The following CNTN4 variants were observed in gnomAD, a reference collection of about 807,000 sequenced individuals.
CNTN4 encodes contactin-4.
A neutral mutation model predicts 122.5 loss-of-function variants in CNTN4; 77 were observed. The observed-to-expected ratio is 0.63, with a 90% CI of 0.52 to 0.76. The LOEUF is 0.76. Among genes scored for constraint, CNTN4 ranks in the 30% least tolerant of loss-of-function variants. The pLI is 0.00. For missense variants in CNTN4, 1,256 were observed against 1,259.1 expected, an observed-to-expected ratio of 1.00 and a Z score of 0.04; for synonymous variants, 512 against 447.0, an observed-to-expected ratio of 1.15 and a Z score of -1.83.
intron 3 of CNTN4, among the ~76,000 whole-genome samples, chr3:2,511,011 T>C (rs1056443573): frequency 2.0e-5 from 3 of 152,128 alleles, no homozygotes; most frequent in Non-Finnish European, 4.4e-5. Flanking sequence ...AAACACCAGC[T>C]TTAGTTCAGC....
At chr3:2,188,110 C>T (rs1258500807) in intron 2 of CNTN4, among the ~76,000 whole-genome samples, 2 of 151,548 alleles carry the variant, frequency 1.3e-5, no homozygotes, top group Admixed American at 1.3e-4. Context: ...CCTTTTGAGC[C>T]CTTCCCCAAT....
At chr3:2,729,179 G>A (rs1467620404) in intron 4 of CNTN4, among the ~76,000 whole-genome samples, 1 of 152,304 alleles carries the variant, frequency 6.6e-6, no homozygotes, top group Non-Finnish European at 1.5e-5. Flanking sequence ...GCGAAATGTG[G>A]CCTTCATCCC....
chr3:2,333,609 G>C (rs2043824195), intron 2 of CNTN4, among the ~76,000 whole-genome samples: 1 of 152,098 alleles, frequency 6.6e-6, no homozygotes, highest in Admixed American at 6.6e-5. Flanking sequence ...TTGAGTGTGT[G>C]GTGGGGAACC....
chr3:2,701,172 T>C (rs2086337134), intron 4 of CNTN4, among the ~76,000 whole-genome samples: 2 of 152,130 alleles, frequency 1.3e-5, no homozygotes, highest in Non-Finnish European at 2.9e-5. Flanking sequence ...ATATAGAAAT[T>C]TTTCATACCC....
At chr3:2,542,018 T>C (rs1453466795) in intron 3 of CNTN4, among the ~76,000 whole-genome samples, 1 of 152,232 alleles carries the variant, frequency 6.6e-6, no homozygotes, top group Non-Finnish European at 1.5e-5. Context: ...TAACTACCAA[T>C]GTATAGAGTG....
chr3:2,781,854 A>G lies in CNTN4; in HGVS notation c.358+36157A>G, dbSNP rs1358601637. On this transcript the variant is annotated intron_variant, in intron 6 of 24. Transcript: ENST00000418658. ...ATTCTCCTGCCTCAGCCTCCCGAGT[A>G]GCTGGGACTGCAGGCGCCCGCACCA... Among the ~76,000 whole-genome samples the G allele has an allele frequency of 1.3e-4, 16 of 126,362 alleles. 1 individual carries two copies. The highest frequency in any genetic ancestry group is 2.3e-4 in the Non-Finnish European group (15 of 64,106). 82.9% of individuals were successfully genotyped at this position (126,362 alleles called of 152,430 possible). A position where few individuals can be genotyped will look rare whatever the true frequency, so the allele number is the denominator to read the frequency against.
At chr3:2,672,394 G>T (rs2084578717) in intron 4 of CNTN4, among the ~76,000 whole-genome samples, 1 of 152,200 alleles carries the variant, frequency 6.6e-6, no homozygotes, top group African/African-American at 2.4e-5. Flanking sequence ...AGGCTCCATG[G>T]ATGTAGGACC....
At chr3:2,324,104 T>C (rs2043365175) in intron 2 of CNTN4, among the ~76,000 whole-genome samples, 1 of 152,186 alleles carries the variant, frequency 6.6e-6, no homozygotes, top group Non-Finnish European at 1.5e-5. Flanking sequence ...TGTTCTCCTC[T>C]AGCCATGGCA....
intron 6 of CNTN4, among the ~76,000 whole-genome samples, chr3:2,787,482 C>A (rs996224826): frequency 6.6e-6 from 1 of 152,150 alleles, no homozygotes; most frequent in Non-Finnish European, 1.5e-5. Flanking sequence ...TCATTACATA[C>A]CGGAATTATT....
intron 14 of CNTN4, among the ~76,000 whole-genome samples, chr3:3,006,990 T>C (rs761212073): frequency 6.6e-6 from 1 of 152,226 alleles, no homozygotes; most frequent in African/African-American, 2.4e-5. Context: ...TGTCTCCAAG[T>C]GCTTAACTGT....
intron 3 of CNTN4, among the ~76,000 whole-genome samples, chr3:2,552,709 C>T (rs762879575): frequency 7.2e-5 from 11 of 152,036 alleles, no homozygotes; most frequent in Non-Finnish European, 1.0e-4. Context: ...TTTTAAAAGG[C>T]AGGTATGGGG....
chr3:2,625,040 C>A (rs2082130834), intron 4 of CNTN4, among the ~76,000 whole-genome samples: 1 of 152,234 alleles, frequency 6.6e-6, no homozygotes, highest in East Asian at 1.9e-4. Flanking sequence ...ATAATAGTAG[C>A]TACCTTATAG....
chr3:2,586,912 T>C (rs1192726959), intron 4 of CNTN4, among the ~76,000 whole-genome samples: 1 of 152,198 alleles, frequency 6.6e-6, no homozygotes, highest in Non-Finnish European at 1.5e-5. Context: ...CCTCCTGACC[T>C]ACTCTGGTAT....
chr3:2,208,489 C>A (rs1465985851), intron 2 of CNTN4, among the ~76,000 whole-genome samples: 2 of 152,128 alleles, frequency 1.3e-5, no homozygotes, highest in Non-Finnish European at 2.9e-5. Flanking sequence ...GAGATGAAAT[C>A]TACTCCTGGT....
At chr3:2,542,585 A>G (rs1258049155) in intron 3 of CNTN4, among the ~76,000 whole-genome samples, 1 of 152,160 alleles carries the variant, frequency 6.6e-6, no homozygotes, top group East Asian at 1.9e-4. Context: ...TGTCAGATCG[A>G]GAGCTCTGGA....
intron 2 of CNTN4, among the ~76,000 whole-genome samples, chr3:2,313,823 C>T (rs1039019747): frequency 4.6e-5 from 7 of 151,448 alleles, no homozygotes; most frequent in Non-Finnish European, 1.0e-4. Context: ...CACCAAATAC[C>T]CCCCAAAATA....
chr3:2,134,153 C>T (rs984122002), intron 2 of CNTN4, among the ~76,000 whole-genome samples: 2 of 152,136 alleles, frequency 1.3e-5, no homozygotes, highest in Non-Finnish European at 2.9e-5. Flanking sequence ...TGTCTAGAAG[C>T]GTTTGTGTCA....
intron 2 of CNTN4, among the ~76,000 whole-genome samples, chr3:2,281,352 A>C (rs1179633051): frequency 6.6e-6 from 1 of 152,054 alleles, no homozygotes; most frequent in Non-Finnish European, 1.5e-5. Context: ...TAGTACAGGG[A>C]CTGTCTAGTA....
At position 2,249,683 on chromosome 3, in the gene CNTN4, T is replaced by G. The variant is rs187755914; in HGVS notation, c.-144-89495T>G. ...TCTTGGTAAAACATGTAAATGAGATTAAATGAGCTGGAAAGAAATCAACCA... is the reference window on the plus strand; with the variant it reads ...TCTTGGTAAAACATGTAAATGAGATGAAATGAGCTGGAAAGAAATCAACCA... On this transcript the variant is annotated intron_variant, in intron 2 of 24. Coordinates refer to ENST00000418658, the MANE Select transcript of CNTN4 (RefSeq NM_175607.3). Among the ~76,000 whole-genome samples the G allele has an allele frequency of 2.6e-5, 4 of 152,010 alleles. No individual in the cohort carries two copies. In the East Asian group the frequency reaches 7.7e-4, roughly 29 times the overall value.
Sources: gnomAD v4.1 joint callset for allele counts (sites outside exome capture counted in the v4.1 genomes callset) on GRCh38, gnomAD v4.1.1 for gene constraint, MANE v1.5 for transcripts, NCBI Gene and HGNC (gene_info 2026-07-23, HGNC 2026-07-21) for gene names.